Variants in CREBBP observed in about 807,000 individuals in gnomAD.
The protein encoded by CREBBP is CREB binding lysine acetyltransferase, also known as CREB-binding protein.
CREBBP carries 19 observed loss-of-function variants against 265.0 expected under a neutral mutation model. The observed-to-expected ratio is 0.07, with a 90% CI of 0.05 to 0.11. The LOEUF is 0.11. Among genes scored for constraint, CREBBP ranks in the 10% least tolerant of loss-of-function variants. CREBBP has a pLI of 1.00. For missense variants in CREBBP, 2,525 were observed against 3,219.0 expected (o/e 0.78, Z 5.22); for synonymous variants, 1,457 against 1,223.7 (o/e 1.19, Z -3.98).
chr16:3,829,298 A>G (rs573263475), intron 2 of CREBBP, among the ~76,000 whole-genome samples: 16 of 152,370 alleles, frequency 1.1e-4, no homozygotes, highest in South Asian at 6.2e-4. Flanking sequence ...GACGATTCAG[A>G]AGATGAGAGA....
intron 5 of CREBBP, among the ~76,000 whole-genome samples, chr16:3,786,764 G>C (rs1330643731): frequency 6.6e-6 from 1 of 152,134 alleles, no homozygotes. Flanking sequence ...AAGACACTTA[G>C]ATTTCTACTA....
chr16:3,749,707 G>A, intron 20 of CREBBP, 24 bp from the exon 21 acceptor site: 1 of 1,502,470 alleles, frequency 6.7e-7, no homozygotes, highest in South Asian at 1.2e-5. Flanking sequence ...AAGAAAACAT[G>A]TTTTATTAAC....
intron 5 of CREBBP, among the ~76,000 whole-genome samples, chr16:3,788,134 C>G (rs1416690322): frequency 6.6e-6 from 1 of 152,136 alleles, no homozygotes; most frequent in Non-Finnish European, 1.5e-5. Flanking sequence ...CTGGGGCCGA[C>G]CCTGCACACT....
At chr16:3,815,385 C>T (rs552273311) in intron 2 of CREBBP, among the ~76,000 whole-genome samples, 6 of 151,892 alleles carry the variant, frequency 4.0e-5, no homozygotes, top group African/African-American at 1.4e-4. Flanking sequence ...ACTAAAAATA[C>T]AAAAATTAGC....
At chr16:3,783,057 T>TA in intron 5 of CREBBP, 131 bp from the exon 6 acceptor site, 1 of 1,219,292 alleles carries the variant, frequency 8.2e-7, no homozygotes, top group Non-Finnish European at 1.2e-6. Context: ...CATAAAGCAG[T>TA]AAACAAGCCT....
intron 27 of CREBBP, 170 bp downstream of exon 27, chr16:3,736,480 A>T: frequency 9.8e-7 from 1 of 1,015,900 alleles, no homozygotes; most frequent in Non-Finnish European, 1.5e-6. Context: ...GGAAAGCCTC[A>T]ATCAGCTGAA....
At chr16:3,775,134 C>T (rs987926995) in intron 11 of CREBBP, among the ~76,000 whole-genome samples, 3 of 152,214 alleles carry the variant, frequency 2.0e-5, no homozygotes, top group African/African-American at 7.2e-5. Flanking sequence ...CACACCCATA[C>T]CTAATGCCTC....
intron 16 of CREBBP, among the ~76,000 whole-genome samples, chr16:3,763,576 G>A (rs950432220): frequency 4.6e-5 from 7 of 152,024 alleles, no homozygotes; most frequent in African/African-American, 1.7e-4. Context: ...TGATTCTTCT[G>A]CCTCAGCCTC....
chr16:3,741,020 A>G, intron 23 of CREBBP: 2 of 246,450 alleles, frequency 8.1e-6, no homozygotes, highest in Non-Finnish European at 1.6e-5. Context: ...CTCTGGCCAG[A>G]GCCTGTCCGG....
At chr16:3,794,150 A>C (rs2053559704) in intron 3 of CREBBP, among the ~76,000 whole-genome samples, 1 of 151,864 alleles carries the variant, frequency 6.6e-6, no homozygotes, top group African/African-American at 2.4e-5. Flanking sequence ...ACACGATGAG[A>C]CCTCATCTCT....
At chr16:3,855,137 C>T (rs2054932632) in intron 1 of CREBBP, among the ~76,000 whole-genome samples, 1 of 152,208 alleles carries the variant, frequency 6.6e-6, no homozygotes, top group Admixed American at 6.5e-5. Context: ...TGTCCTATAG[C>T]CATGAGATTA....
intron 24 of CREBBP, 146 bp from the exon 25 acceptor site, chr16:3,739,870 A>G (rs2052158753): frequency 3.7e-6 from 4 of 1,083,122 alleles, no homozygotes; most frequent in East Asian, 2.6e-5. Context: ...AGTCCTCCCT[A>G]TGGGCCAGTC....
chr16:3,774,439 A>C, intron 12 of CREBBP, 130 bp downstream of exon 12: 1 of 1,256,382 alleles, frequency 8.0e-7, no homozygotes. Context: ...GAGATGAAAG[A>C]AATAAAGCAT....
At position 3,773,797 on chromosome 16, in the gene CREBBP, A is replaced by T. The variant is rs1596895058; in HGVS notation, c.2417T>A (p.Met806Lys). 6.2e-7 allele frequency: 1 copy of T among 1,613,652 alleles called. No homozygotes were observed. Among genetic ancestry groups the T allele is most frequent in the Middle Eastern group, 1.8e-4 (1 of 5,620 alleles). The change falls in exon 13 of 31, where the codon ATG (methionine) becomes AAG (lysine). Residue 806 changes from methionine to lysine, a missense_variant. Physicochemically the swap from Met to Lys is moderately conservative, Grantham distance 95. Transcript: ENST00000262367. ...TGGCGGCTGCCCCATGCCCACACTC[A>T]TCGCCCCGCTGGATGACGGGAACTG... ...QNQFPSSSGA[M>K]SVGMGQPPAQ...
chr16:3,788,152 A>G (rs1430090166), intron 5 of CREBBP, among the ~76,000 whole-genome samples: 2 of 152,134 alleles, frequency 1.3e-5, no homozygotes. Flanking sequence ...ACTTGCTTCA[A>G]CAGTCCCTGG....
chr16:3,841,437 A>G (rs565883877), intron 2 of CREBBP, among the ~76,000 whole-genome samples: 10 of 152,172 alleles, frequency 6.6e-5, no homozygotes, highest in African/African-American at 2.4e-4. Flanking sequence ...TACAATTTTT[A>G]GTACAAATAA....
intron 15 of CREBBP, 96 bp downstream of exon 15, chr16:3,769,078 G>C: frequency 2.2e-6 from 3 of 1,387,760 alleles, no homozygotes; most frequent in Non-Finnish European, 3.1e-6. Context: ...TTTAACTAAA[G>C]TCAGGGATAC....
intron 5 of CREBBP, among the ~76,000 whole-genome samples, chr16:3,787,722 C>T (rs755481978): frequency 1.3e-5 from 2 of 151,744 alleles, no homozygotes; most frequent in Non-Finnish European, 2.9e-5. Context: ...TGCAGTGGTG[C>T]GATCTTGGCT....
At chr16:3,740,339 G>C (rs2151339447) in intron 24 of CREBBP, 60 bp downstream of exon 24, 1 of 1,601,174 alleles carries the variant, frequency 6.2e-7, no homozygotes, top group Non-Finnish European at 8.6e-7. Context: ...CAGAGAGCAG[G>C]CTCTGGCAAG....
Sources: allele counts gnomAD v4.1 joint callset (sites outside exome capture counted in the v4.1 genomes callset), GRCh38; gene constraint gnomAD v4.1.1; transcripts MANE v1.5; gene names NCBI Gene and HGNC (gene_info 2026-07-23, HGNC 2026-07-21).